The following ZNF716 variants were observed in gnomAD, a reference collection of about 807,000 sequenced individuals.
ZNF716 encodes the protein zinc finger protein 716.
A neutral mutation model predicts 13.4 loss-of-function variants in ZNF716; 9 were observed. The ratio of observed to expected loss-of-function variants is 0.67; its 90% CI spans 0.41 to 1.18. The LOEUF (loss-of-function observed/expected upper bound fraction) is 1.18. Ranked by LOEUF, ZNF716 falls within the 50% of genes most tolerant of loss-of-function variation. The pLI is 0.01. For missense variants in ZNF716, 581 were observed against 576.6 expected (o/e 1.01, Z -0.08); for synonymous variants, 186 against 195.2 (o/e 0.95, Z 0.39).
chr7:57,461,457 C>A (rs1280178710), intron 1 of ZNF716, among the ~76,000 whole-genome samples: 29 of 152,060 alleles, frequency 1.9e-4, no homozygotes, highest in Admixed American at 1.9e-3. Context: ...AATTATTATT[C>A]CCTTAATTAT....
At chr7:57,467,962 A>G (rs1554324419) in intron 3 of ZNF716, among the ~76,000 whole-genome samples, 1 of 151,966 alleles carries the variant, frequency 6.6e-6, no homozygotes, top group African/African-American at 2.4e-5. Context: ...TGTTGCCCTA[A>G]TATTTTATAA....
chr7:57,463,234 C>T (rs1261869439), intron 3 of ZNF716, 66 bp downstream of exon 3: 23 of 1,585,266 alleles, frequency 1.5e-5, no homozygotes, highest in Non-Finnish European at 2.0e-5. Context: ...GGAAGCCAGT[C>T]CTTAAAATGT....
At chr7:57,456,879 C>T (rs1456035968) in intron 1 of ZNF716, among the ~76,000 whole-genome samples, 5 of 151,546 alleles carry the variant, frequency 3.3e-5, no homozygotes, top group African/African-American at 1.2e-4. Context: ...GGCTGTCACA[C>T]TGCACACTGT....
chr7:57,469,340 G>T lies in ZNF716; in HGVS notation c.879G>T (p.Glu293Asp), dbSNP rs782434308. Residue 293 changes from glutamate to aspartate, a missense_variant, in exon 4 of 4, where the codon GAG becomes GAT. Coordinates refer to ENST00000420713, the MANE Select transcript of ZNF716 (RefSeq NM_001159279.1). ...ACTACAAGAGAATTCATACTGGAGA[G>T]AAACCCTACACATGTGAAGAATGTG... ...LTNYKRIHTG[E>D]KPYTCEECGK... The T allele has an allele frequency of 2.4e-5, 39 of 1,613,612 alleles. No individual in the cohort carries two copies. The highest frequency in any genetic ancestry group is 3.3e-5 in the Non-Finnish European group (39 of 1,179,776).
Position 57,468,894 on chromosome 7 carries a change from G to A in ZNF716, c.433G>A (p.Val145Ile). Residue 145 changes from valine to isoleucine, a missense_variant, in exon 4 of 4, where the codon GTT becomes ATT. Physicochemically the swap from Val to Ile is conservative, Grantham distance 29. Coordinates refer to ENST00000420713, the MANE Select transcript of ZNF716 (RefSeq NM_001159279.1). ...CEVHKGGYNY[V>I]NQCLSATQNK... ...GGTGCACAAAGGAGGTTATAATTAT[G>A]TTAACCAATGTTTGTCAGCTACCCA... The A allele has an allele frequency of 6.2e-7, 1 of 1,612,976 alleles. No homozygotes were observed. The highest frequency in any genetic ancestry group is 1.1e-5 in the South Asian group (1 of 91,052).
chr7:57,454,852 A>C (rs1789559043), intron 1 of ZNF716, among the ~76,000 whole-genome samples: 1 of 152,004 alleles, frequency 6.6e-6, no homozygotes, highest in Non-Finnish European at 1.5e-5. Context: ...GTGAAACCCC[A>C]TCTCTACTAA....
At chr7:57,456,324 C>T (rs1396582071) in intron 1 of ZNF716, among the ~76,000 whole-genome samples, 6 of 152,244 alleles carry the variant, frequency 3.9e-5, no homozygotes, top group Admixed American at 3.3e-4. Flanking sequence ...GTGAGTATCT[C>T]TATCAAATTA....
chr7:57,456,216 C>T (rs555177656), intron 1 of ZNF716, among the ~76,000 whole-genome samples: 8 of 151,986 alleles, frequency 5.3e-5, no homozygotes, highest in South Asian at 2.1e-4. Flanking sequence ...GGCTTCCCAA[C>T]GTGCTGGGAT....
rs1554323431 is a variant in ZNF716 at position 57,463,108 on chromosome 7, C to A, written c.202C>A (p.Leu68Met). 1.9e-6 allele frequency: 3 copies of A among 1,610,602 alleles called. No homozygotes were observed. The highest frequency in any genetic ancestry group is 3.3e-5 in the Admixed American group (2 of 59,986). ...AVSKPDLITCLEQNKEPQNIK... is the reference protein window; with the variant it reads ...AVSKPDLITCMEQNKEPQNIK... ...CTCTAAGCCAGACTTGATCACCTGT[C>A]TGGAGCAAAATAAAGAGCCCCAGAA... The change falls in exon 3 of 4, where the codon CTG (leucine) becomes ATG (methionine). Residue 68 changes from leucine to methionine, a missense_variant. Coordinates refer to ENST00000420713, the MANE Select transcript of ZNF716 (RefSeq NM_001159279.1).
At chr7:57,454,543 AGCCAT>A (rs782666551) in intron 1 of ZNF716, among the ~76,000 whole-genome samples, 1 of 152,192 alleles carries the variant, frequency 6.6e-6, no homozygotes, top group Non-Finnish European at 1.5e-5. Flanking sequence ...TGCTCACTCC[AGCCAT>A]GGAAGAAGCC....
Position 57,458,007 on chromosome 7 carries a change from A to G in ZNF716, c.40-4453A>G, listed in dbSNP as rs189402352. Among the ~76,000 whole-genome samples the G allele has an allele frequency of 1.1e-3, 174 of 152,304 alleles. 1 individual carries two copies. Among genetic ancestry groups the G allele is most frequent in the African/African-American group, 3.9e-3 (164 of 41,564 alleles). ...TGATGTTGTTCTTTCTTATAACTGC[A>G]TCGTATTTCATGGTCTTTATGTACC... On this transcript the variant is annotated intron_variant, in intron 1 of 3. Transcript: ENST00000420713.
intron 3 of ZNF716, among the ~76,000 whole-genome samples, chr7:57,465,627 C>A (rs1168647758): frequency 6.6e-6 from 1 of 152,102 alleles, no homozygotes; most frequent in Admixed American, 6.6e-5. Context: ...TGGGATTACA[C>A]CTGTGAGCCA....
At chr7:57,468,116 G>A (rs1789847872) in intron 3 of ZNF716, among the ~76,000 whole-genome samples, 1 of 152,058 alleles carries the variant, frequency 6.6e-6, no homozygotes, top group South Asian at 2.1e-4. Context: ...TTCTCAGGAT[G>A]TGTCTTGTCT....
intron 1 of ZNF716, among the ~76,000 whole-genome samples, chr7:57,457,313 T>C (rs7458146): frequency 0.5 from 76,674 of 151,986 alleles, 19,719 homozygotes; most frequent in East Asian, 0.67. Flanking sequence ...CAAACCAGTC[T>C]TACCACTTAC....
Position 57,469,537 on chromosome 7 carries a change from A to C in ZNF716, c.1076A>C (p.Lys359Thr), listed in dbSNP as rs1554324834. 6.2e-7 allele frequency: 1 copy of C among 1,610,816 alleles called. No individual in the cohort carries two copies. Among genetic ancestry groups the C allele is most frequent in the East Asian group, 2.2e-5 (1 of 44,708 alleles). The change falls in exon 4 of 4, where the codon AAA becomes ACA. Residue 359 changes from lysine (K) to threonine (T), a missense_variant. Lys to Thr is a moderately conservative substitution (Grantham distance 78). Transcript: ENST00000420713. ...CTCTACACATGTGAAGAATGTGGGA[A>C]AGCCTTTACCTTCTCCTCAACTCTA... ...EKLYTCEECG[K>T]AFTFSSTLNT...
chr7:57,453,703 T>C (rs1554321827), intron 1 of ZNF716, among the ~76,000 whole-genome samples: 3 of 152,256 alleles, frequency 2.0e-5, no homozygotes, highest in African/African-American at 7.2e-5. Context: ...TCTTCCATTA[T>C]GGCTGTCGGA....
At position 57,460,708 on chromosome 7, in the gene ZNF716, T is replaced by G. The variant is rs544376652; in HGVS notation, c.40-1752T>G. Among the ~76,000 whole-genome samples the G allele has an allele frequency of 4.6e-5, 7 of 152,246 alleles. No homozygotes were observed. In the South Asian group the frequency reaches 8.3e-4, roughly 18 times the overall value. ...TGAGAAGGTGTGGATACTCAATATT[T>G]CTTTGGGGAAACACAGTTGTCTTTG... is the stretch of plus-strand genomic sequence containing the variant. On this transcript the variant is annotated intron_variant, in intron 1 of 3. Transcript: ENST00000420713.
intron 1 of ZNF716, among the ~76,000 whole-genome samples, chr7:57,455,391 A>T (rs529905989): frequency 6.2e-4 from 94 of 152,382 alleles, no homozygotes; most frequent in Non-Finnish European, 9.7e-4. Flanking sequence ...ATAAGAAAGA[A>T]GTGGAAATTT....
chr7:57,453,814 T>G (rs112554385), intron 1 of ZNF716, among the ~76,000 whole-genome samples: 48 of 152,234 alleles, frequency 3.2e-4, no homozygotes, highest in African/African-American at 1.1e-3. Flanking sequence ...TATGTGACAG[T>G]AAAACCTGTG....
Sources: gnomAD v4.1 joint callset for allele counts (sites outside exome capture counted in the v4.1 genomes callset) on GRCh38, gnomAD v4.1.1 for gene constraint, MANE v1.5 for transcripts, NCBI Gene and HGNC (gene_info 2026-07-23, HGNC 2026-07-21) for gene names.